The following LPAR1 variants were observed in gnomAD, a reference collection of about 807,000 sequenced individuals.
The protein encoded by LPAR1 is lysophosphatidic acid receptor 1.
A neutral mutation model predicts 23.8 loss-of-function variants in LPAR1; 5 were observed. The ratio of observed to expected loss-of-function variants is 0.21; its 90% CI spans 0.11 to 0.44. The LOEUF is 0.44. Among genes scored for constraint, LPAR1 ranks in the 20% least tolerant of loss-of-function variants. The pLI, the probability that LPAR1 is intolerant of heterozygous loss-of-function variation, is 0.99. For missense variants in LPAR1, 311 were observed against 482.8 expected (o/e 0.64, Z 3.33); for synonymous variants, 160 against 164.7 (o/e 0.97, Z 0.22).
At chr9:110,917,839 T>G (rs570660483) in intron 5 of LPAR1, among the ~76,000 whole-genome samples, 2 of 152,258 alleles carry the variant, frequency 1.3e-5, no homozygotes, top group African/African-American at 4.8e-5. Flanking sequence ...TCCCTTTCCC[T>G]CCTTTTTCTT....
At chr9:110,989,667 C>T (rs1442941576) in intron 2 of LPAR1, among the ~76,000 whole-genome samples, 1 of 151,932 alleles carries the variant, frequency 6.6e-6, no homozygotes, top group African/African-American at 2.4e-5. Context: ...ATAAAGTATA[C>T]CAAATCCAAA....
chr9:110,976,758 T>C (rs1224920337), intron 2 of LPAR1, among the ~76,000 whole-genome samples: 1 of 152,138 alleles, frequency 6.6e-6, no homozygotes, highest in African/African-American at 2.4e-5. Context: ...CTCATCTATA[T>C]TTCTCTTCTC....
intron 5 of LPAR1, among the ~76,000 whole-genome samples, chr9:110,881,738 A>C (rs1255876022): frequency 6.6e-6 from 1 of 152,176 alleles, no homozygotes; most frequent in African/African-American, 2.4e-5. Flanking sequence ...GCTCTTAACC[A>C]ATTCCTCTTC....
chr9:111,005,000 AAAAC>A (rs751134521), intron 2 of LPAR1, among the ~76,000 whole-genome samples: 12 of 151,786 alleles, frequency 7.9e-5, no homozygotes, highest in Non-Finnish European at 1.6e-4. Context: ...ATCTCTACAA[AAAAC>A]AAACAAACAT....
chr9:110,914,751 T>A (rs1483700706), intron 5 of LPAR1, among the ~76,000 whole-genome samples: 1 of 151,908 alleles, frequency 6.6e-6, no homozygotes, highest in Non-Finnish European at 1.5e-5. Flanking sequence ...TTTTTATCTC[T>A]TTTCACTTCC....
At chr9:111,016,373 T>A (rs2097446137) in intron 2 of LPAR1, among the ~76,000 whole-genome samples, 1 of 152,202 alleles carries the variant, frequency 6.6e-6, no homozygotes, top group African/African-American at 2.4e-5. Context: ...GGAACAATCA[T>A]AATGCCCACC....
chr9:110,910,359 A>G (rs2092253548), intron 5 of LPAR1, among the ~76,000 whole-genome samples: 1 of 152,176 alleles, frequency 6.6e-6, no homozygotes, highest in African/African-American at 2.4e-5. Context: ...GGCTTACTGA[A>G]TATTTTAAGC....
intron 5 of LPAR1, among the ~76,000 whole-genome samples, chr9:110,878,986 C>T (rs141675613): frequency 1.4e-3 from 211 of 152,220 alleles, no homozygotes; most frequent in Non-Finnish European, 2.2e-3. Context: ...ATGCCATCAC[C>T]TACCAAGATG....
rs2091573855 is a variant in LPAR1, at chr9:110,907,679, TTTTC to T, written c.794-31961_794-31958del. Among the ~76,000 whole-genome samples the T allele has an allele frequency of 2.0e-5, 3 of 152,166 alleles. No homozygotes were observed. In the South Asian group the frequency reaches 6.2e-4, roughly 31 times the overall value. On this transcript the variant is annotated intron_variant, in intron 5 of 5. Coordinates refer to ENST00000683809, the MANE Select transcript of LPAR1 (RefSeq NM_001351411.2). ...TTGCATGGGAGACTACAGGTTACTA[TTTTC>T]TTTCTTTGATTCTTAATATTTCCCA...
At chr9:110,955,822 T>G (rs1369747923) in intron 4 of LPAR1, among the ~76,000 whole-genome samples, 3 of 150,694 alleles carry the variant, frequency 2.0e-5, no homozygotes, top group African/African-American at 7.3e-5. Context: ...AGGAAGAAAT[T>G]AAAAAGAAAA....
intron 5 of LPAR1, among the ~76,000 whole-genome samples, chr9:110,900,196 G>C (rs1006479539): frequency 6.6e-6 from 1 of 152,194 alleles, no homozygotes; most frequent in African/African-American, 2.4e-5. Context: ...TAGCAGGGCT[G>C]TAATTCTTTC....
intron 5 of LPAR1, among the ~76,000 whole-genome samples, chr9:110,916,981 A>T (rs2093186421): frequency 6.6e-6 from 1 of 151,670 alleles, no homozygotes; most frequent in African/African-American, 2.4e-5. Flanking sequence ...TATTGTAATA[A>T]CTTTGTAGTT....
At chr9:110,987,589 G>A (rs915349977) in intron 2 of LPAR1, among the ~76,000 whole-genome samples, 1 of 151,426 alleles carries the variant, frequency 6.6e-6, no homozygotes, top group Non-Finnish European at 1.5e-5. Flanking sequence ...CTCCTGTCTT[G>A]ATAAATCAGT....
In LPAR1 at chr9:110,889,052, T is replaced by C. The variant is rs74308653; in HGVS notation, c.794-13330A>G. Among the ~76,000 whole-genome samples the C allele has an allele frequency of 5.0e-4, 76 of 152,326 alleles. 1 individual carries two copies. In the East Asian group the frequency reaches 0.014, roughly 27 times the overall value. ...AAGTGGCTATGGGCATGAATTAGTATGTTTTACAAAACTATTGTTAACACA... is the reference window on the plus strand; with the variant it reads ...AAGTGGCTATGGGCATGAATTAGTACGTTTTACAAAACTATTGTTAACACA... On this transcript the variant is annotated intron_variant, in intron 5 of 5. Coordinates refer to ENST00000683809, the MANE Select transcript of LPAR1 (RefSeq NM_001351411.2).
Position 110,941,205 on chromosome 9 carries a change from T to A in LPAR1, c.793+216A>T. 6.6e-6 allele frequency among the ~76,000 whole-genome samples: 1 copy of A among 152,204 alleles called. No homozygotes were observed. The highest frequency in any genetic ancestry group is 1.5e-5 in the Non-Finnish European group (1 of 68,038). On this transcript the variant is annotated intron_variant, in intron 5 of 5. Coordinates refer to ENST00000683809, the MANE Select transcript of LPAR1 (RefSeq NM_001351411.2). The surrounding 1 kb of genome is among the most constrained non-coding windows in gnomAD (Gnocchi z 6.1). ...TCTTTTACATCATCATCATTTATACTGCACCACTGGGACCCATGTTTCCCT... is the reference window on the plus strand; with the variant it reads ...TCTTTTACATCATCATCATTTATACAGCACCACTGGGACCCATGTTTCCCT...
At chr9:110,876,417 A>G (rs976522305) in intron 5 of LPAR1, among the ~76,000 whole-genome samples, 1 of 152,232 alleles carries the variant, frequency 6.6e-6, no homozygotes, top group African/African-American at 2.4e-5. Context: ...TTATTCAACA[A>G]CTACCCACAT....
intron 5 of LPAR1, among the ~76,000 whole-genome samples, chr9:110,887,490 A>T (rs2082730956): frequency 6.6e-6 from 1 of 152,180 alleles, no homozygotes; most frequent in Non-Finnish European, 1.5e-5. Context: ...TAGGAAGCAC[A>T]GATTCTTGGC....
At chr9:110,948,961 A>C (rs1337458848) in intron 4 of LPAR1, among the ~76,000 whole-genome samples, 1 of 152,070 alleles carries the variant, frequency 6.6e-6, no homozygotes. Flanking sequence ...AGAACAAGGA[A>C]GTTTTGTCAA....
intron 4 of LPAR1, among the ~76,000 whole-genome samples, chr9:110,969,937 C>G (rs889847869): frequency 2.0e-5 from 3 of 152,074 alleles, no homozygotes; most frequent in Non-Finnish European, 4.4e-5. Context: ...AGGGCATGTG[C>G]AGAAGTGTAT....
Sources: gnomAD v4.1 joint callset for allele counts (sites outside exome capture counted in the v4.1 genomes callset) on GRCh38, gnomAD v4.1.1 for gene constraint, Gnocchi (gnomAD v3.1) non-coding constraint, MANE v1.5 for transcripts, NCBI Gene and HGNC (gene_info 2026-07-23, HGNC 2026-07-21) for gene names.